The following NRG4 variants were observed in gnomAD, a reference collection of about 807,000 sequenced individuals.
NRG4 encodes the protein neuregulin 4, also known as pro-neuregulin-4, membrane-bound isoform.
Under a neutral mutation model 15.0 loss-of-function variants are expected in NRG4, and 10 were observed. The ratio of observed to expected loss-of-function variants is 0.67; its 90% CI spans 0.41 to 1.13. The LOEUF (loss-of-function observed/expected upper bound fraction) is 1.13. Among genes scored for constraint, NRG4 ranks in the 50% most tolerant of loss-of-function variants. The pLI, the probability that NRG4 is intolerant of heterozygous loss-of-function variation, is 0.00. For missense variants in NRG4, 139 were observed against 140.2 expected, an observed-to-expected ratio of 0.99 and a Z score of 0.04; for synonymous variants, 41 against 50.1, an observed-to-expected ratio of 0.82 and a Z score of 0.77.
intron 3 of NRG4, among the ~76,000 whole-genome samples, chr15:75,974,463 TTGA>T (rs1291397712): frequency 6.6e-6 from 1 of 152,124 alleles, no homozygotes; most frequent in Non-Finnish European, 1.5e-5. Context: ...TGTTAGGGTG[TTGA>T]TCTTTCTTGC....
intron 5 of NRG4, among the ~76,000 whole-genome samples, chr15:76,018,681 G>A (rs2035060126): frequency 6.6e-6 from 1 of 152,196 alleles, no homozygotes; most frequent in Non-Finnish European, 1.5e-5. Context: ...AAAGATTGCT[G>A]CCTGTTTCTT....
At chr15:76,040,544 G>A (rs1033808743) in intron 4 of NRG4, among the ~76,000 whole-genome samples, 1 of 152,170 alleles carries the variant, frequency 6.6e-6, no homozygotes, top group Non-Finnish European at 1.5e-5. Context: ...ACAGAAAACA[G>A]AGACTTTTAT....
intron 4 of NRG4, among the ~76,000 whole-genome samples, chr15:76,037,427 T>G (rs202181703): frequency 6.6e-6 from 1 of 152,118 alleles, no homozygotes; most frequent in Non-Finnish European, 1.5e-5. Context: ...GACTTTACAT[T>G]GAACTCAGTG....
chr15:75,949,418 C>T (rs986037397), intron 5 of NRG4, among the ~76,000 whole-genome samples: 1 of 150,232 alleles, frequency 6.7e-6, no homozygotes, highest in Non-Finnish European at 1.5e-5. Context: ...AAAATCTTGC[C>T]CAAACTTTAA....
chr15:75,956,449 AT>A (rs1171000721), intron 4 of NRG4, among the ~76,000 whole-genome samples: 2 of 152,196 alleles, frequency 1.3e-5, no homozygotes, highest in African/African-American at 4.8e-5. Context: ...AATTTTGGAC[AT>A]TTTTGAGGTA....
chr15:76,032,580 G>C (rs571162346), intron 5 of NRG4, among the ~76,000 whole-genome samples: 1 of 152,224 alleles, frequency 6.6e-6, no homozygotes, highest in South Asian at 2.1e-4. Context: ...TTCTTTGAAG[G>C]CCAAATATAA....
At chr15:75,953,317 C>G (rs777646948) in intron 5 of NRG4, among the ~76,000 whole-genome samples, 4 of 152,100 alleles carry the variant, frequency 2.6e-5, no homozygotes, top group Non-Finnish European at 4.4e-5. Flanking sequence ...TTAAAAAATG[C>G]ATTTACTATA....
At chr15:75,943,787 G>T in intron 5 of NRG4, 133 bp from the exon 6 acceptor site, 1 of 606,752 alleles carries the variant, frequency 1.6e-6, no homozygotes, top group Non-Finnish European at 2.9e-6. Flanking sequence ...GATGTGTTGA[G>T]GTAAACTAAC....
At chr15:75,985,844 A>G (rs2033781220) in intron 3 of NRG4, among the ~76,000 whole-genome samples, 2 of 152,360 alleles carry the variant, frequency 1.3e-5, no homozygotes, top group South Asian at 4.1e-4. Context: ...TTTATCAAGA[A>G]AAAAATCACA....
intron 5 of NRG4, among the ~76,000 whole-genome samples, chr15:75,946,100 G>T (rs931265382): frequency 5.3e-5 from 8 of 152,182 alleles, no homozygotes. Flanking sequence ...TGGGTGGGCG[G>T]CATATACAGT....
At chr15:76,027,780 G>A (rs2035355356) in intron 5 of NRG4, among the ~76,000 whole-genome samples, 1 of 151,768 alleles carries the variant, frequency 6.6e-6, no homozygotes, top group Admixed American at 6.6e-5. Flanking sequence ...AACATATTAG[G>A]ACACAAAACA....
chr15:75,959,109 G>A, intron 4 of NRG4: 1 of 399,168 alleles, frequency 2.5e-6, no homozygotes, highest in Non-Finnish European at 5.0e-6. Context: ...AGCCTCCCAA[G>A]CAGCTAGGAC....
chr15:76,059,952 C>T (rs2036259440), upstream of NRG4: 2 of 149,080 alleles, frequency 1.3e-5, no homozygotes, highest in East Asian at 2.0e-4. Context: ...AGAGGGGAGC[C>T]CCGGGAGCGC....
chr15:76,018,352 T>TC (rs1321103944), intron 5 of NRG4, among the ~76,000 whole-genome samples: 1 of 152,226 alleles, frequency 6.6e-6, no homozygotes, highest in Non-Finnish European at 1.5e-5. Context: ...TCATTCTCCA[T>TC]CCAGTTTTGT....
Position 76,008,744 on chromosome 15 carries a change from C to T in NRG4, c.104+456G>A, listed in dbSNP as rs546165680. Reference sequence around the variant, plus strand: ...GCTACCACCATTAGAAAAACTTAACCCTTCTTTTGCTTTTTAACATATAAA... The same window carrying T: ...GCTACCACCATTAGAAAAACTTAACTCTTCTTTTGCTTTTTAACATATAAA... On this transcript the variant is annotated intron_variant, in intron 3 of 5. Transcript: ENST00000394907. Among the ~76,000 whole-genome samples, 161 of 152,126 alleles carry T rather than the reference C, an allele frequency of 1.1e-3. 1 individual carries two copies. Among genetic ancestry groups the T allele is most frequent in the African/African-American group, 3.6e-3 (150 of 41,520 alleles).
chr15:75,991,765 G>T (rs2034027038), intron 3 of NRG4, among the ~76,000 whole-genome samples: 1 of 151,772 alleles, frequency 6.6e-6, no homozygotes, highest in African/African-American at 2.4e-5. Flanking sequence ...GTACATATAT[G>T]TACCATTTAT....
At chr15:76,006,323 T>A (rs890302325) in intron 3 of NRG4, among the ~76,000 whole-genome samples, 1 of 152,150 alleles carries the variant, frequency 6.6e-6, no homozygotes, top group African/African-American at 2.4e-5. Context: ...GGATGGAAAA[T>A]GAGCTTATCA....
At chr15:75,973,738 G>A (rs2033225422) in intron 3 of NRG4, among the ~76,000 whole-genome samples, 1 of 152,146 alleles carries the variant, frequency 6.6e-6, no homozygotes, top group Non-Finnish European at 1.5e-5. Flanking sequence ...TGGTGGATAA[G>A]CTTTTTGATG....
chr15:76,038,122 T>A (rs1194719372), intron 4 of NRG4, among the ~76,000 whole-genome samples: 1 of 152,226 alleles, frequency 6.6e-6, no homozygotes, highest in African/African-American at 2.4e-5. Flanking sequence ...TTAGGTAGTA[T>A]GGCATGGGCC....
Sources: gnomAD v4.1 joint callset for allele counts (sites outside exome capture counted in the v4.1 genomes callset) on GRCh38, gnomAD v4.1.1 for gene constraint, MANE v1.5 for transcripts, NCBI Gene and HGNC (gene_info 2026-07-23, HGNC 2026-07-21) for gene names.